The following C11orf54 variants were observed in gnomAD, a reference collection of about 807,000 sequenced individuals.
C11orf54 encodes the protein beta-keto L-gulonate decarboxylase.
A neutral mutation model predicts 35.5 loss-of-function variants in C11orf54; 29 were observed. That is an observed-to-expected ratio of 0.82 (90% CI 0.61 to 1.11). C11orf54 has a LOEUF of 1.11. Among genes scored for constraint, C11orf54 ranks in the 50% most tolerant of loss-of-function variants. The pLI, the probability that C11orf54 is intolerant of heterozygous loss-of-function variation, is 0.00. For missense variants in C11orf54, 373 were observed against 369.2 expected (o/e 1.01, Z -0.08); for synonymous variants, 108 against 121.1 (o/e 0.89, Z 0.71).
intron 1 of C11orf54, among the ~76,000 whole-genome samples, chr11:93,744,319 T>C (rs1591327641): frequency 6.6e-6 from 1 of 152,258 alleles, no homozygotes; most frequent in African/African-American, 2.4e-5. Context: ...GGACTTTGTT[T>C]CTACTTTGGT....
At chr11:93,751,605 C>T (rs533323048) in intron 3 of C11orf54, among the ~76,000 whole-genome samples, 31 of 151,610 alleles carry the variant, frequency 2.0e-4, no homozygotes, top group Non-Finnish European at 3.1e-4. Context: ...AGGGTTTCAC[C>T]GTGTTAGCCA....
At chr11:93,755,958 A>T (rs1011560311) in intron 6 of C11orf54, among the ~76,000 whole-genome samples, 1 of 151,906 alleles carries the variant, frequency 6.6e-6, no homozygotes, top group Non-Finnish European at 1.5e-5. Context: ...CCTGAGGTCA[A>T]GCATTTGAGA....
intron 6 of C11orf54, 79 bp from the exon 7 acceptor site, chr11:93,757,237 G>T (rs1469887443): frequency 1.4e-6 from 2 of 1,440,878 alleles, no homozygotes; most frequent in African/African-American, 2.9e-5. Context: ...TTGCTTGATA[G>T]AATTAAATTA....
At chr11:93,752,886 C>T (rs988913665) in intron 3 of C11orf54, among the ~76,000 whole-genome samples, 15 of 152,040 alleles carry the variant, frequency 9.9e-5, no homozygotes, top group Non-Finnish European at 1.3e-4. Context: ...GTAGTACACC[C>T]AGCCTCCTGA....
At chr11:93,754,728 C>CTTTTTTTTTTT (rs71064780) in intron 5 of C11orf54, 1 of 92,052 alleles carries the variant, frequency 1.1e-5, no homozygotes, top group Non-Finnish European at 2.0e-5. Context: ...CAATAAATAT[C>CTTTTTTTTTTT]TTTTTTTTTT....
chr11:93,761,588 C>T lies in C11orf54; in HGVS notation c.848C>T (p.Thr283Ile). 1 of 1,613,292 alleles carries T rather than the reference C, an allele frequency of 6.2e-7. No homozygotes were observed. The highest frequency in any genetic ancestry group is 1.3e-5 in the African/African-American group (1 of 74,998). ...HGEGGHYHYD[T>I]TPDIVEYLGY... is the part of the protein sequence containing the mutation. ...GAAGGTGGACACTACCATTATGACA[C>T]TACTCCAGATATAGTGGAATATCTT... The change falls in exon 9 of 9, where the codon ACT (threonine) becomes ATT (isoleucine). Residue 283 changes from threonine (T) to isoleucine (I), a missense_variant. Transcript: ENST00000354421.
intron 1 of C11orf54, among the ~76,000 whole-genome samples, chr11:93,743,057 G>A (rs1005133068): frequency 1.4e-4 from 19 of 139,548 alleles, no homozygotes; most frequent in Non-Finnish European, 2.6e-4. Flanking sequence ...GGAGTGCAGT[G>A]TGGCCCGATC....
intron 1 of C11orf54, among the ~76,000 whole-genome samples, chr11:93,744,004 C>A (rs1942308979): frequency 6.6e-6 from 1 of 152,198 alleles, no homozygotes; most frequent in African/African-American, 2.4e-5. Context: ...CACTCACATA[C>A]ACATGCTACC....
At chr11:93,750,597 T>C (rs1182930475) in intron 3 of C11orf54, among the ~76,000 whole-genome samples, 153 bp downstream of exon 3, 1 of 152,232 alleles carries the variant, frequency 6.6e-6, no homozygotes. Flanking sequence ...CTCACTCTTC[T>C]GATATTGGTT....
Position 93,761,496 on chromosome 11 carries a change from T to A in C11orf54, c.775-19T>A. ...ATCAATAATTTGAGTACTAACATAT[T>A]GTTTGTCTGTTATCTTAGGGGTTTG... On this transcript the variant is annotated intron_variant, in intron 8 of 8. Transcript: ENST00000354421. 3.8e-6 allele frequency: 6 copies of A among 1,581,766 alleles called. No individual in the cohort carries two copies. The highest frequency in any genetic ancestry group is 5.1e-6 in the Non-Finnish European group (6 of 1,165,396).
intron 1 of C11orf54, among the ~76,000 whole-genome samples, chr11:93,745,433 A>G (rs1215409900): frequency 2.6e-5 from 4 of 152,204 alleles, no homozygotes; most frequent in Non-Finnish European, 4.4e-5. Flanking sequence ...TACAGTCTGC[A>G]AACATATTGT....
chr11:93,755,647 G>T lies in C11orf54; in HGVS notation c.507+261G>T, dbSNP rs118019732. Reference sequence around the variant, plus strand: ...TGTGCCTGTAATCCCAGCTACTCGGGGGGGCTGAGGTGAGAGAATCGCTCA... The same window carrying T: ...TGTGCCTGTAATCCCAGCTACTCGGTGGGGCTGAGGTGAGAGAATCGCTCA... On this transcript the variant is annotated intron_variant, in intron 6 of 8. Transcript: ENST00000354421. Among the ~76,000 whole-genome samples, 41 of 151,770 alleles carry T rather than the reference G, an allele frequency of 2.7e-4. No individual in the cohort carries two copies. The East Asian group carries it at 4.9e-3, about 18-fold the overall frequency.
chr11:93,747,988 G>A (rs1393070435), intron 2 of C11orf54, among the ~76,000 whole-genome samples: 2 of 152,112 alleles, frequency 1.3e-5, no homozygotes, highest in Non-Finnish European at 2.9e-5. Flanking sequence ...CAAAAATGAA[G>A]CCAGGAATAG....
chr11:93,751,637 C>G (rs1942836321), intron 3 of C11orf54, among the ~76,000 whole-genome samples: 1 of 151,754 alleles, frequency 6.6e-6, no homozygotes, highest in Admixed American at 6.6e-5. Context: ...ATCTCCTGAC[C>G]TCGTGATCCG....
Position 93,750,461 on chromosome 11 carries a change from A to G in C11orf54, c.154+17A>G, listed in dbSNP as rs759251134. On this transcript the variant is annotated intron_variant, in intron 3 of 8. Coordinates refer to ENST00000354421, the MANE Select transcript of C11orf54 (RefSeq NM_001286069.2). Reference sequence around the variant, plus strand: ...CTGTAAAAGGTAAGCAATTTTTGCAATTAGCTTTTGTTTTTTAGTCATAAT... The same window carrying G: ...CTGTAAAAGGTAAGCAATTTTTGCAGTTAGCTTTTGTTTTTTAGTCATAAT... The G allele has an allele frequency of 2.5e-6, 4 of 1,573,928 alleles. No homozygotes were observed. Among genetic ancestry groups the G allele is most frequent in the African/African-American group, 1.4e-5 (1 of 74,046 alleles).
chr11:93,757,013 G>A (rs1015576000), intron 6 of C11orf54, among the ~76,000 whole-genome samples: 23 of 152,184 alleles, frequency 1.5e-4, no homozygotes, highest in Admixed American at 8.5e-4. Flanking sequence ...GCCTCGACAC[G>A]TATGTTAAGA....
intron 2 of C11orf54, among the ~76,000 whole-genome samples, chr11:93,748,734 T>A (rs1429935633): frequency 6.7e-6 from 1 of 149,566 alleles, no homozygotes; most frequent in Non-Finnish European, 1.5e-5. Flanking sequence ...TATTCAGGAG[T>A]CTGAGCTACA....
chr11:93,755,855 T>C (rs1169491149), intron 6 of C11orf54, among the ~76,000 whole-genome samples: 1 of 151,332 alleles, frequency 6.6e-6, no homozygotes, highest in Non-Finnish European at 1.5e-5. Context: ...GCAAAAGTCA[T>C]CTTTAAGGTT....
intron 2 of C11orf54, among the ~76,000 whole-genome samples, chr11:93,749,535 G>A (rs2135597741): frequency 6.7e-6 from 1 of 148,678 alleles, no homozygotes; most frequent in African/African-American, 2.5e-5. Flanking sequence ...AAACTGTTGA[G>A]GCTAGGTGTG....
Sources: gnomAD v4.1 joint callset for allele counts (sites outside exome capture counted in the v4.1 genomes callset) on GRCh38, gnomAD v4.1.1 for gene constraint, MANE v1.5 for transcripts, NCBI Gene and HGNC (gene_info 2026-07-23, HGNC 2026-07-21) for gene names.